Variants in SYT1 observed in about 807,000 individuals in gnomAD.
SYT1 encodes synaptotagmin-1.
Under a neutral mutation model 44.8 loss-of-function variants are expected in SYT1, and 8 were observed. That is an observed-to-expected ratio of 0.18 (90% confidence interval 0.10 to 0.32). SYT1 has a LOEUF of 0.32. Among genes scored for constraint, SYT1 ranks in the 10% least tolerant of loss-of-function variants. SYT1 has a pLI of 1.00. For synonymous variants in SYT1, 154 were observed against 188.8 expected, an observed-to-expected ratio of 0.82 and a Z score of 1.51; for missense variants, 286 against 509.3, an observed-to-expected ratio of 0.56 and a Z score of 4.22.
At chr12:78,932,062 G>C (rs532490501) in intron 1 of SYT1, among the ~76,000 whole-genome samples, 1 of 152,282 alleles carries the variant, frequency 6.6e-6, no homozygotes, top group East Asian at 1.9e-4. Flanking sequence ...TCTGCCACAA[G>C]GTGTGTTTCC....
At chr12:79,172,740 T>A (rs1871604750) in intron 3 of SYT1, among the ~76,000 whole-genome samples, 1 of 151,668 alleles carries the variant, frequency 6.6e-6, no homozygotes, top group African/African-American at 2.4e-5. Context: ...GAAACTTCTA[T>A]GAAATCTCTC....
At chr12:79,343,831 C>T (rs1378279569) in intron 8 of SYT1, among the ~76,000 whole-genome samples, 27 of 152,104 alleles carry the variant, frequency 1.8e-4, no homozygotes, top group Admixed American at 1.8e-3. Context: ...ATTGTCTTCT[C>T]ATACTCCAAT....
At chr12:79,050,886 T>A (rs908306214) in intron 3 of SYT1, among the ~76,000 whole-genome samples, 7 of 152,060 alleles carry the variant, frequency 4.6e-5, no homozygotes, top group African/African-American at 1.7e-4. Flanking sequence ...CATAAGCCTG[T>A]GAGTGTGTGT....
intron 9 of SYT1, among the ~76,000 whole-genome samples, chr12:79,413,624 T>C (rs1868560176): frequency 6.6e-6 from 1 of 152,168 alleles, no homozygotes; most frequent in South Asian, 2.1e-4. Flanking sequence ...ATTCTATTTG[T>C]GAATGGGATG....
At chr12:79,016,750 T>G (rs949468342) in intron 2 of SYT1, among the ~76,000 whole-genome samples, 1 of 152,160 alleles carries the variant, frequency 6.6e-6, no homozygotes, top group Non-Finnish European at 1.5e-5. Context: ...GTTCAGTATA[T>G]GCCCAGGATT....
chr12:79,180,525 G>T (rs1592828864), intron 3 of SYT1, among the ~76,000 whole-genome samples: 4 of 151,908 alleles, frequency 2.6e-5, no homozygotes, highest in Admixed American at 2.6e-4. Flanking sequence ...GGTTCTGCAG[G>T]CTGTACAGAT....
At chr12:79,136,597 G>A (rs899837415) in intron 3 of SYT1, among the ~76,000 whole-genome samples, 1 of 151,908 alleles carries the variant, frequency 6.6e-6, no homozygotes, top group Non-Finnish European at 1.5e-5. Flanking sequence ...CTCTAATAAC[G>A]ACATTGTAAT....
In SYT1 at chr12:79,097,943, A is replaced by T. The variant is rs114261979; in HGVS notation, c.-18+50581A>T. Among the ~76,000 whole-genome samples, 885 of 152,122 alleles carry T rather than the reference A, an allele frequency of 5.8e-3. 11 individuals are homozygous for T. Among genetic ancestry groups the T allele is most frequent in the African/African-American group, 0.02 (851 of 41,544 alleles). ...ATGTGAGCATGCATATTACTCACAC[A>T]TACACATTTACCTGAAATCTACCAG... On this transcript the variant is annotated intron_variant, in intron 3 of 10. Coordinates refer to ENST00000261205, the MANE Select transcript of SYT1 (RefSeq NM_005639.3).
intron 1 of SYT1, among the ~76,000 whole-genome samples, chr12:78,895,491 A>G (rs995715406): frequency 5.9e-5 from 9 of 151,788 alleles, no homozygotes; most frequent in African/African-American, 2.2e-4. Flanking sequence ...GAAAAATTAA[A>G]TATTTCTATA....
intron 3 of SYT1, among the ~76,000 whole-genome samples, chr12:79,052,135 C>T (rs1163031422): frequency 1.3e-5 from 2 of 152,098 alleles, no homozygotes; most frequent in Non-Finnish European, 2.9e-5. Flanking sequence ...GCCATTTTCA[C>T]AATATTGATT....
chr12:79,179,471 A>ATC (rs1364993363), intron 3 of SYT1, among the ~76,000 whole-genome samples: 20 of 34,240 alleles, frequency 5.8e-4, no homozygotes, highest in Middle Eastern at 0.016. Context: ...ATATAGATAT[A>ATC]GATATAGAGA....
At chr12:79,110,682 A>G (rs1878964317) in intron 3 of SYT1, among the ~76,000 whole-genome samples, 1 of 152,160 alleles carries the variant, frequency 6.6e-6, no homozygotes, top group South Asian at 2.1e-4. Context: ...TTTTTTAAAA[A>G]TTTATAGCTA....
intron 2 of SYT1, among the ~76,000 whole-genome samples, chr12:78,995,367 A>G (rs1870308956): frequency 6.6e-6 from 1 of 152,174 alleles, no homozygotes; most frequent in Non-Finnish European, 1.5e-5. Flanking sequence ...AATTCATCAG[A>G]GTAGAGCTCA....
At chr12:79,116,341 A>G (rs1433038190) in intron 3 of SYT1, among the ~76,000 whole-genome samples, 4 of 152,184 alleles carry the variant, frequency 2.6e-5, no homozygotes, top group Non-Finnish European at 5.9e-5. Context: ...GTTCAGTAGG[A>G]GAAGTGCTTG....
intron 1 of SYT1, among the ~76,000 whole-genome samples, chr12:78,906,534 A>T (rs1875989346): frequency 6.6e-6 from 1 of 152,130 alleles, no homozygotes; most frequent in Non-Finnish European, 1.5e-5. Context: ...AAGAAAGGGA[A>T]AAAGGCCGTA....
At position 79,372,918 on chromosome 12, in the gene SYT1, A is replaced by G. The variant is rs149996727; in HGVS notation, c.928+19299A>G. Among the ~76,000 whole-genome samples, 1,091 of 152,292 alleles carry G rather than the reference A, an allele frequency of 7.2e-3. 44 individuals are homozygous for G. The highest frequency in any genetic ancestry group is 0.01 in the East Asian group (53 of 5,178). ...CTGAAATTCAGTCAATACCATGAAC[A>G]TTATCTCTCCACTTTTGGGTCCTAA... On this transcript the variant is annotated intron_variant, in intron 9 of 10. Transcript: ENST00000261205.
chr12:79,328,328 A>T (rs1008346198), intron 8 of SYT1, among the ~76,000 whole-genome samples: 1 of 152,230 alleles, frequency 6.6e-6, no homozygotes, highest in Non-Finnish European at 1.5e-5. Flanking sequence ...AGGAAGATGC[A>T]CTAATTTTAA....
rs545163110 is a variant in SYT1, at chr12:79,421,808, T to C, written c.929-22265T>C. On this transcript the variant is annotated intron_variant, in intron 9 of 10. Coordinates refer to ENST00000261205, the MANE Select transcript of SYT1 (RefSeq NM_005639.3). ...TGTCTTTATACTTGAATTGTAAGTA[T>C]TCAATCAGGGCTGTGTTAAGCATTC... 1.1e-4 allele frequency among the ~76,000 whole-genome samples: 17 copies of C among 152,188 alleles called. 2 individuals carry two copies. The South Asian group carries it at 3.3e-3, about 30-fold the overall frequency.
At chr12:79,098,472 G>T (rs1161241483) in intron 3 of SYT1, among the ~76,000 whole-genome samples, 1 of 152,066 alleles carries the variant, frequency 6.6e-6, no homozygotes, top group African/African-American at 2.4e-5. Context: ...ATCTAAATTT[G>T]TCTATGTCAG....
Sources: allele counts gnomAD v4.1 joint callset (sites outside exome capture counted in the v4.1 genomes callset), GRCh38; gene constraint gnomAD v4.1.1; transcripts MANE v1.5; gene names NCBI Gene and HGNC (gene_info 2026-07-23, HGNC 2026-07-21).